Variants in DLG2 observed in about 807,000 individuals in gnomAD.
The protein encoded by DLG2 is discs large MAGUK scaffold protein 2, also known as disks large homolog 2.
Under a neutral mutation model 132.5 loss-of-function variants are expected in DLG2, and 45 were observed. That is an observed-to-expected ratio of 0.34 (90% CI 0.27 to 0.44). The LOEUF (loss-of-function observed/expected upper bound fraction) is 0.44, where lower values mean the gene tolerates loss of function less well. Ranked by LOEUF, DLG2 falls within the 20% of genes least tolerant of loss-of-function variation. The probability of loss-of-function intolerance (pLI) is 1.00; values close to 1 mark genes in which losing one functional copy is unlikely to be tolerated. For missense variants in DLG2, 1,045 were observed against 1,196.9 expected, an observed-to-expected ratio of 0.87 and a Z score of 1.87; for synonymous variants, 424 against 419.6, an observed-to-expected ratio of 1.01 and a Z score of -0.13.
At chr11:85,512,224 A>T (rs2094089092) in intron 3 of DLG2, among the ~76,000 whole-genome samples, 1 of 151,802 alleles carries the variant, frequency 6.6e-6, no homozygotes, top group South Asian at 2.1e-4. Flanking sequence ...ATAACAAAGA[A>T]CTCCAACCTG....
At chr11:84,694,050 A>G (rs932230984) in intron 6 of DLG2, among the ~76,000 whole-genome samples, 1 of 151,672 alleles carries the variant, frequency 6.6e-6, no homozygotes, top group African/African-American at 2.4e-5. Flanking sequence ...AGAGAACACA[A>G]TCCCTTATTC....
intron 3 of DLG2, among the ~76,000 whole-genome samples, chr11:85,520,627 G>C (rs1406084871): frequency 6.6e-6 from 1 of 151,444 alleles, no homozygotes; most frequent in Non-Finnish European, 1.5e-5. Flanking sequence ...CAGAGCTATA[G>C]TAACCAAAAC....
intron 7 of DLG2, among the ~76,000 whole-genome samples, chr11:84,534,218 T>C (rs2099350094): frequency 6.6e-6 from 1 of 152,248 alleles, no homozygotes; most frequent in Non-Finnish European, 1.5e-5. Context: ...GTTCCCTTTG[T>C]TGGACCACGA....
intron 18 of DLG2, among the ~76,000 whole-genome samples, chr11:83,751,395 T>C (rs1420507632): frequency 3.3e-5 from 5 of 152,200 alleles, no homozygotes; most frequent in Middle Eastern, 3.4e-3. Context: ...TGGCTTTTGC[T>C]CTGGGTGGGA....
chr11:84,676,776 C>A (rs2099712421), intron 6 of DLG2, among the ~76,000 whole-genome samples: 1 of 152,016 alleles, frequency 6.6e-6, no homozygotes, highest in South Asian at 2.1e-4. Flanking sequence ...CAAATCATTA[C>A]TTAATTATAC....
intron 6 of DLG2, chr11:84,923,244 G>C (rs1296157834): frequency 4.1e-5 from 63 of 1,534,668 alleles, no homozygotes; most frequent in Non-Finnish European, 5.4e-5. Flanking sequence ...AAAATGCATT[G>C]ATCTCTGTTT....
At chr11:84,763,230 G>C (rs981194432) in intron 6 of DLG2, 1 of 152,142 alleles carries the variant, frequency 6.6e-6, no homozygotes, top group African/African-American at 2.4e-5. Context: ...TTAATAGTTG[G>C]TTTACATGAC....
At chr11:83,505,654 C>T (rs2094656995) in intron 21 of DLG2, among the ~76,000 whole-genome samples, 1 of 152,222 alleles carries the variant, frequency 6.6e-6, no homozygotes, top group Admixed American at 6.5e-5. Context: ...TCCAGCCAAA[C>T]CACTGGCTAC....
intron 5 of DLG2, among the ~76,000 whole-genome samples, chr11:85,127,908 T>G (rs2075313379): frequency 6.6e-6 from 1 of 152,210 alleles, no homozygotes; most frequent in Non-Finnish European, 1.5e-5. Flanking sequence ...ATTCACCAGC[T>G]GTGATAAAAA....
At chr11:85,034,986 T>C (rs2061332889) in intron 6 of DLG2, among the ~76,000 whole-genome samples, 1 of 152,172 alleles carries the variant, frequency 6.6e-6, no homozygotes, top group African/African-American at 2.4e-5. Flanking sequence ...AGCCACTAGA[T>C]AAATAATAAC....
chr11:85,099,646 G>A (rs1428364155), intron 6 of DLG2, among the ~76,000 whole-genome samples: 1 of 152,158 alleles, frequency 6.6e-6, no homozygotes. Context: ...TAAGCAGTAT[G>A]AAGTTTTCAA....
intron 7 of DLG2, among the ~76,000 whole-genome samples, chr11:84,344,980 C>A (rs1370752800): frequency 6.6e-6 from 1 of 152,060 alleles, no homozygotes; most frequent in African/African-American, 2.4e-5. Context: ...GAGATTGAAG[C>A]CTTATTATAT....
At chr11:84,537,975 C>T (rs904038164) in intron 6 of DLG2, among the ~76,000 whole-genome samples, 1 of 152,228 alleles carries the variant, frequency 6.6e-6, no homozygotes, top group African/African-American at 2.4e-5. Context: ...AAAAGGACAT[C>T]AGGCTATTAA....
At chr11:84,559,874 T>C (rs893097074) in intron 6 of DLG2, among the ~76,000 whole-genome samples, 5 of 152,162 alleles carry the variant, frequency 3.3e-5, no homozygotes, top group African/African-American at 1.2e-4. Flanking sequence ...ACTGAGTGAC[T>C]ATGAGATACA....
intron 5 of DLG2, among the ~76,000 whole-genome samples, chr11:85,123,220 G>A (rs529818717): frequency 9.5e-4 from 144 of 151,372 alleles, no homozygotes; most frequent in African/African-American, 3.1e-3. Context: ...CTCGTGATCC[G>A]CCCGCCTCGG....
At chr11:83,726,515 C>G (rs990857951) in intron 18 of DLG2, among the ~76,000 whole-genome samples, 1 of 152,142 alleles carries the variant, frequency 6.6e-6, no homozygotes, top group African/African-American at 2.4e-5. Flanking sequence ...GCCAATCATA[C>G]GTCTAAATGA....
At chr11:83,535,460 C>A (rs1295238312) in intron 20 of DLG2, among the ~76,000 whole-genome samples, 1 of 152,150 alleles carries the variant, frequency 6.6e-6, no homozygotes, top group African/African-American at 2.4e-5. Context: ...TGCACCCCAA[C>A]CCCATTTCTA....
intron 18 of DLG2, 61 bp from the exon 19 acceptor site, chr11:83,633,386 C>T: frequency 1.4e-6 from 2 of 1,402,032 alleles, no homozygotes; most frequent in East Asian, 2.4e-5. Context: ...GGAAATGCTG[C>T]ACAGCCCAGG....
At chr11:84,041,290 A>G (rs1486140553) in intron 11 of DLG2, among the ~76,000 whole-genome samples, 9 of 152,096 alleles carry the variant, frequency 5.9e-5, no homozygotes, top group African/African-American at 1.9e-4. Context: ...GCAGGTACAT[A>G]TATAGGATAA....
Sources: allele counts gnomAD v4.1 joint callset (sites outside exome capture counted in the v4.1 genomes callset), GRCh38; gene constraint gnomAD v4.1.1; transcripts MANE v1.5; gene names NCBI Gene and HGNC (gene_info 2026-07-23, HGNC 2026-07-21).